The following FRMD3 variants were observed in gnomAD, a reference collection of about 807,000 sequenced individuals.
The protein encoded by FRMD3 is FERM domain containing 3, also known as FERM domain-containing protein 3.
In FRMD3, 33 loss-of-function variants were observed where a neutral mutation model predicts 70.2. That is an observed-to-expected ratio of 0.47 (90% CI 0.36 to 0.63). The LOEUF is 0.63. FRMD3 is among the 20% of genes least tolerant of loss of function. The pLI is 0.00. For synonymous variants in FRMD3, 279 were observed against 255.9 expected, an observed-to-expected ratio of 1.09 and a Z score of -0.86; for missense variants, 632 against 711.4, an observed-to-expected ratio of 0.89 and a Z score of 1.27.
At chr9:83,422,472 G>A (rs772860126) in intron 1 of FRMD3, among the ~76,000 whole-genome samples, 12 of 152,160 alleles carry the variant, frequency 7.9e-5, no homozygotes, top group Admixed American at 4.6e-4. Flanking sequence ...GACAAGCTCC[G>A]CTATACCTGA....
chr9:83,269,478 C>T (rs1027444118), intron 13 of FRMD3, among the ~76,000 whole-genome samples: 13 of 151,998 alleles, frequency 8.6e-5, no homozygotes, highest in African/African-American at 2.9e-4. Flanking sequence ...AGGCCGAGGC[C>T]GGCAGATCAC....
At chr9:83,476,602 A>C (rs1420904374) in intron 1 of FRMD3, among the ~76,000 whole-genome samples, 1 of 152,188 alleles carries the variant, frequency 6.6e-6, no homozygotes, top group Non-Finnish European at 1.5e-5. Flanking sequence ...GCAGAAGTTG[A>C]GATCGGGTAG....
intron 13 of FRMD3, among the ~76,000 whole-genome samples, chr9:83,273,108 G>T (rs1385857100): frequency 6.6e-6 from 1 of 151,984 alleles, no homozygotes; most frequent in Non-Finnish European, 1.5e-5. Context: ...CCCTCTGCCC[G>T]GCTGCCACCC....
At chr9:83,551,621 G>A in the FRMD3 span, among the ~76,000 whole-genome samples, 14 of 152,046 alleles carry the variant, frequency 9.2e-5, no homozygotes, top group Non-Finnish European at 1.6e-4. Context: ...TTTTTTGCTT[G>A]ATAGGCTATT....
At chr9:83,413,897 T>C (rs1478556811) in intron 1 of FRMD3, among the ~76,000 whole-genome samples, 3 of 152,224 alleles carry the variant, frequency 2.0e-5, no homozygotes, top group Non-Finnish European at 4.4e-5. Flanking sequence ...TTGTCTATTA[T>C]ATTACCCAAT....
chr9:83,455,549 G>T (rs1394458202), intron 1 of FRMD3, among the ~76,000 whole-genome samples: 1 of 152,062 alleles, frequency 6.6e-6, no homozygotes, highest in African/African-American at 2.4e-5. Flanking sequence ...ATGATTCTGA[G>T]GCCTCCCCAG....
chr9:83,304,367 T>C lies in FRMD3; in HGVS notation c.926+5169A>G, dbSNP rs143329174. On this transcript the variant is annotated intron_variant, in intron 10 of 13. Coordinates refer to ENST00000304195, the MANE Select transcript of FRMD3 (RefSeq NM_174938.6). The stretch of plus-strand genomic sequence containing the variant: ...TAGAACCTTATTACTTGGAGTGTGG[T>C]CTACGGACCCACCGCACAGTATCCC... 4.5e-3 allele frequency among the ~76,000 whole-genome samples: 678 copies of C among 152,284 alleles called. 5 individuals carry two copies. Among genetic ancestry groups the C allele is most frequent in the African/African-American group, 0.015 (632 of 41,554 alleles).
chr9:83,456,333 A>G (rs1287287158), intron 1 of FRMD3, among the ~76,000 whole-genome samples: 1 of 152,210 alleles, frequency 6.6e-6, no homozygotes, highest in Non-Finnish European at 1.5e-5. Context: ...GGTTGTTTTC[A>G]AATCATTTGA....
chr9:83,349,978 T>C (rs1287152389), intron 3 of FRMD3, among the ~76,000 whole-genome samples: 1 of 152,160 alleles, frequency 6.6e-6, no homozygotes, highest in Non-Finnish European at 1.5e-5. Flanking sequence ...AGAGCAAATG[T>C]AGAATACCAG....
chr9:83,554,073 G>C, the FRMD3 span, among the ~76,000 whole-genome samples: 1 of 152,146 alleles, frequency 6.6e-6, no homozygotes, highest in Non-Finnish European at 1.5e-5. Flanking sequence ...TTGCGTAGTG[G>C]CTTTATTTGA....
At chr9:83,450,359 T>G (rs1181963718) in intron 1 of FRMD3, among the ~76,000 whole-genome samples, 55 of 141,520 alleles carry the variant, frequency 3.9e-4, no homozygotes, top group African/African-American at 1.1e-3. Context: ...TTTTTTTTTT[T>G]TTTTTTTTTT....
At chr9:83,403,415 G>A (rs1587819680) in intron 1 of FRMD3, among the ~76,000 whole-genome samples, 1 of 152,114 alleles carries the variant, frequency 6.6e-6, no homozygotes, top group East Asian at 1.9e-4. Context: ...GAAACTGCTG[G>A]GATAATGTTT....
At chr9:83,416,115 C>T (rs1269844970) in intron 1 of FRMD3, among the ~76,000 whole-genome samples, 1 of 152,220 alleles carries the variant, frequency 6.6e-6, no homozygotes, top group Non-Finnish European at 1.5e-5. Context: ...TCTCCTTTCT[C>T]CTCCAGCACA....
At chr9:83,577,344 C>T in the FRMD3 span, among the ~76,000 whole-genome samples, 2 of 152,058 alleles carry the variant, frequency 1.3e-5, no homozygotes, top group African/African-American at 4.8e-5. Flanking sequence ...AGTGTAGGTA[C>T]TGGCATAAGA....
rs75096169 is a variant in FRMD3, at chr9:83,529,104, C to T, written c.147+8981G>A. On this transcript the variant is annotated intron_variant, in intron 1 of 13. Transcript: ENST00000304195. ...GTATTCTCACATATGCTTCTTCATTCAATCTGTTGCAATATCACACATCTT... is the reference window on the plus strand; with the variant it reads ...GTATTCTCACATATGCTTCTTCATTTAATCTGTTGCAATATCACACATCTT... Among the ~76,000 whole-genome samples the T allele has an allele frequency of 5.2e-3, 792 of 152,290 alleles. 9 individuals carry two copies. Among genetic ancestry groups the T allele is most frequent in the African/African-American group, 0.018 (735 of 41,568 alleles).
At chr9:83,467,559 G>T in intron 1 of FRMD3, 2 of 988,016 alleles carry the variant, frequency 2.0e-6, no homozygotes, top group Non-Finnish European at 3.1e-6. Context: ...CTCATGACAT[G>T]CATTATGTTA....
intron 6 of FRMD3, chr9:83,332,101 T>C: frequency 5.3e-6 from 3 of 564,352 alleles, no homozygotes; most frequent in Non-Finnish European, 9.4e-6. Context: ...AAGCCTTTCT[T>C]GCTCTAAGCC....
the FRMD3 span, among the ~76,000 whole-genome samples, chr9:83,546,091 TCACAC>T: frequency 1.3e-5 from 2 of 149,212 alleles, no homozygotes; most frequent in Non-Finnish European, 3.0e-5. Flanking sequence ...GCATGGTGGT[TCACAC>T]CTGTAATGCC....
intron 3 of FRMD3, among the ~76,000 whole-genome samples, chr9:83,364,123 G>C (rs1416956293): frequency 6.6e-6 from 1 of 152,038 alleles, no homozygotes; most frequent in African/African-American, 2.4e-5. Context: ...TTTATATTGA[G>C]CCGTTCATCT....
Sources: allele counts gnomAD v4.1 joint callset (sites outside exome capture counted in the v4.1 genomes callset), GRCh38; gene constraint gnomAD v4.1.1; transcripts MANE v1.5; gene names NCBI Gene and HGNC (gene_info 2026-07-23, HGNC 2026-07-21).